WDR62: variants seen among roughly 807,000 people sequenced by gnomAD.
WDR62 encodes WD repeat domain 62.
WDR62 carries 112 observed loss-of-function variants against 160.6 expected under a neutral mutation model. The ratio of observed to expected loss-of-function variants is 0.70; its 90% CI spans 0.60 to 0.82. The LOEUF (loss-of-function observed/expected upper bound fraction) is 0.82. WDR62 is among the 40% of genes least tolerant of loss of function. The probability of loss-of-function intolerance (pLI) is 0.00; values close to 1 mark genes in which losing one functional copy is unlikely to be tolerated. For synonymous variants in WDR62, 792 were observed against 815.1 expected (o/e 0.97, Z 0.48); for missense variants, 1,819 against 1,983.8 (o/e 0.92, Z 1.58).
chr19:36,093,889 G>T, intron 19 of WDR62, 142 bp from the exon 20 acceptor site: 1 of 993,512 alleles, frequency 1.0e-6, no homozygotes, highest in African/African-American at 1.6e-5. Context: ...GGCATCAAGT[G>T]AGAGACTTGC....
chr19:36,108,071 G>A (rs901957043), downstream of WDR62, among the ~76,000 whole-genome samples: 1 of 152,042 alleles, frequency 6.6e-6, no homozygotes, highest in Admixed American at 6.6e-5. Flanking sequence ...GGCACAAAGA[G>A]AAGGAACAAG....
chr19:36,067,196 AAGAC>A, intron 5 of WDR62, 106 bp from the exon 6 acceptor site: 1 of 1,465,486 alleles, frequency 6.8e-7, no homozygotes, highest in Non-Finnish European at 9.5e-7. Flanking sequence ...GGGTCCCAGG[AAGAC>A]AGACTTGGAG....
At chr19:36,059,551 C>T (rs575026120) in intron 2 of WDR62, among the ~76,000 whole-genome samples, 167 of 152,282 alleles carry the variant, frequency 1.1e-3, no homozygotes, top group African/African-American at 3.9e-3. Flanking sequence ...GCGATCCTCC[C>T]ATCTTCACCT....
At chr19:36,108,238 G>C (rs1044713136), downstream of WDR62, among the ~76,000 whole-genome samples, 7 of 152,110 alleles carry the variant, frequency 4.6e-5, no homozygotes, top group Non-Finnish European at 1.5e-5. Context: ...GTGCATAGAA[G>C]CCCAGGTGAC....
Position 36,103,154 on chromosome 19 carries a change from A to G in WDR62, c.3463-2A>G. 4 of 1,614,030 alleles carry G rather than the reference A, an allele frequency of 2.5e-6. No homozygotes were observed. The highest frequency in any genetic ancestry group is 3.4e-6 in the Non-Finnish European group (4 of 1,180,022). ...GTCCTCACCTCAGAGCTGTGCCTGC[A>G]GGTCCTCGCTGCAGGGAAGGCTGAA... On this transcript the variant is annotated splice_acceptor_variant, in intron 28 of 31. Coordinates refer to ENST00000401500, the MANE Select transcript of WDR62 (RefSeq NM_001083961.2). LOFTEE classifies it high-confidence loss of function.
Position 36,103,466 on chromosome 19 carries a change from C to G in WDR62, c.3638C>G (p.Ser1213Cys). 6.2e-7 allele frequency: 1 copy of G among 1,614,164 alleles called. No individual in the cohort carries two copies. The highest frequency in any genetic ancestry group is 8.5e-7 in the Non-Finnish European group (1 of 1,180,010). The change falls in exon 30 of 32, where the codon TCC (serine) becomes TGC (cysteine). Residue 1213 changes from serine (S) to cysteine (C), a missense_variant. Physicochemically the swap from Ser to Cys is moderately radical, Grantham distance 112. This residue lies in a region of WDR62 where 770 missense variants were observed against 734.2 expected (regional missense o/e 1.05). Coordinates refer to ENST00000401500, the MANE Select transcript of WDR62 (RefSeq NM_001083961.2). ...PGLAQGVHAP[S>C]TCSYMEATAS... is the part of the protein sequence containing the mutation. The stretch of plus-strand genomic sequence containing the variant: ...CTGGCTCAGGGTGTCCATGCCCCCT[C>G]CACCTGTTCCTACATGGAGGCCACT...
chr19:36,086,776 G>T lies in WDR62; in HGVS notation c.1732G>T (p.Asp578Tyr). Residue 578 changes from aspartate to tyrosine, a missense_variant, in exon 13 of 32, where the codon GAC (aspartate) becomes TAC (tyrosine). Physicochemically the swap from Asp to Tyr is radical, Grantham distance 160 (BLOSUM62 -3). This residue lies in a region of WDR62 where 934 missense variants were observed against 1,157.2 expected (regional missense o/e 0.81). Coordinates refer to ENST00000401500, the MANE Select transcript of WDR62 (RefSeq NM_001083961.2). ...CTACAACCTGGAGCAGACGCTGGAT[G>T]ACCACTCCTCCTCCATCACCGCCAT... ...KNYNLEQTLDDHSSSITAIKF... is the reference protein window; with the variant it reads ...KNYNLEQTLDYHSSSITAIKF... 1 of 1,609,714 alleles carries T rather than the reference G, an allele frequency of 6.2e-7. No homozygotes were observed. Among genetic ancestry groups the T allele is most frequent in the South Asian group, 1.1e-5 (1 of 90,228 alleles).
chr19:36,094,022 T>G lies in WDR62; in HGVS notation c.2334-9T>G, dbSNP rs2145806387. On this transcript the variant is annotated splice_polypyrimidine_tract_variant and intron_variant, in intron 19 of 31. Transcript: ENST00000401500. ...ATTCTCTCCTTACCATCCTCATTCC[T>G]GGCTTTAGGCAGGATACGTATGTGT... is the stretch of plus-strand genomic sequence containing the variant. The G allele has an allele frequency of 2.5e-6, 4 of 1,613,702 alleles. No individual in the cohort carries two copies. The East Asian group carries it at 8.9e-5, about 36-fold the overall frequency.
At chr19:36,095,788 C>T (rs111312471) in intron 20 of WDR62, among the ~76,000 whole-genome samples, 7 of 152,214 alleles carry the variant, frequency 4.6e-5, no homozygotes, top group South Asian at 2.1e-4. Flanking sequence ...AGCAAGACTC[C>T]GTCTCAAAAA....
chr19:36,105,980 T>TGG, downstream of WDR62, among the ~76,000 whole-genome samples: 1 of 152,178 alleles, frequency 6.6e-6, no homozygotes, highest in Non-Finnish European at 1.5e-5. Context: ...ATTACAGGCA[T>TGG]GAGCCACCGC....
chr19:36,100,949 C>T (rs1220353701), intron 23 of WDR62, 74 bp downstream of exon 23: 4 of 1,606,918 alleles, frequency 2.5e-6, no homozygotes, highest in African/African-American at 1.3e-5. Context: ...GGAAGAAGTG[C>T]TCTCTGCCTT....
At chr19:36,101,614 T>A in intron 24 of WDR62, 50 bp from the exon 25 acceptor site, 1 of 1,435,600 alleles carries the variant, frequency 7.0e-7, no homozygotes, top group African/African-American at 1.4e-5. Flanking sequence ...TGGCCCTGGC[T>A]CACCAGAATG....
intron 7 of WDR62, among the ~76,000 whole-genome samples, chr19:36,069,418 G>C (rs1038299556): frequency 4.7e-5 from 7 of 148,844 alleles, no homozygotes; most frequent in African/African-American, 7.5e-5. Flanking sequence ...GGCGCTCCCC[G>C]CATCTCAGAC....
chr19:36,106,602 GAACACATCCAGGCCGAC>G (rs1973719578), downstream of WDR62, among the ~76,000 whole-genome samples: 1 of 152,168 alleles, frequency 6.6e-6, no homozygotes, highest in Non-Finnish European at 1.5e-5. Flanking sequence ...GACATCTCAG[GAACACATCCAGGCCGAC>G]AGCACAGCCA....
chr19:36,102,045 C>G lies in WDR62; in HGVS notation c.3114C>G (p.Ser1038=). Residue 1038 remains serine, a synonymous_variant, in exon 26 of 32, where the codon TCC becomes TCG. Coordinates refer to ENST00000401500, the MANE Select transcript of WDR62 (RefSeq NM_001083961.2). ...CAGGTCCCACAGAAGATGAGCTGTC[C>G]CTGCCCGAGGGACCCAGCGTCCCCA... ...GCAGPTEDEL[S]LPEGPSVPSS... 1 of 1,614,166 alleles carries G rather than the reference C, an allele frequency of 6.2e-7. No individual in the cohort carries two copies. The highest frequency in any genetic ancestry group is 1.1e-5 in the South Asian group (1 of 91,088).
rs777428608 is a variant in WDR62 at position 36,102,092 on chromosome 19, C to T, written c.3161C>T (p.Pro1054Leu). ...CCCAGCAGCTCCCTACCCCAGACTCCGGAGCAGGAGAAGTTCCTCCGCCAC... is the reference window on the plus strand; with the variant it reads ...CCCAGCAGCTCCCTACCCCAGACTCTGGAGCAGGAGAAGTTCCTCCGCCAC... ...SVPSSSLPQT[P>L]EQEKFLRHHF... is the part of the protein sequence containing the mutation. Residue 1054 changes from proline to leucine, a missense_variant, in exon 26 of 32, where the codon CCG (proline) becomes CTG (leucine). Transcript: ENST00000401500. 7 of 1,614,144 alleles carry T rather than the reference C, an allele frequency of 4.3e-6. No individual in the cohort carries two copies. Among genetic ancestry groups the T allele is most frequent in the Middle Eastern group, 1.6e-4 (1 of 6,062 alleles).
intron 6 of WDR62, 151 bp downstream of exon 6, chr19:36,067,594 CAG>C (rs1455477669): frequency 1.7e-5 from 21 of 1,266,970 alleles, no homozygotes; most frequent in Non-Finnish European, 2.1e-5. Context: ...GGCCTACTCT[CAG>C]GGTGCTGATG....
At chr19:36,059,393 C>G (rs1455529339) in intron 2 of WDR62, among the ~76,000 whole-genome samples, 1 of 152,186 alleles carries the variant, frequency 6.6e-6, no homozygotes, top group Non-Finnish European at 1.5e-5. Flanking sequence ...CCTGACCTGG[C>G]AGTTGTGAGG....
intron 15 of WDR62, 52 bp from the exon 16 acceptor site, chr19:36,090,393 G>T (rs371111078): frequency 5.2e-5 from 81 of 1,566,822 alleles, no homozygotes; most frequent in Non-Finnish European, 6.5e-5. Flanking sequence ...AGAGAATGAG[G>T]TGGTGGGGTA....
Sources: allele counts gnomAD v4.1 joint callset (sites outside exome capture counted in the v4.1 genomes callset), GRCh38; gene constraint gnomAD v4.1.1; regional missense constraint gnomAD v4.1.1; transcripts MANE v1.5; gene names NCBI Gene and HGNC (gene_info 2026-07-23, HGNC 2026-07-21).